The following NOS1AP variants were observed in gnomAD, a reference collection of about 807,000 sequenced individuals.
The protein encoded by NOS1AP is carboxyl-terminal PDZ ligand of neuronal nitric oxide synthase protein.
In NOS1AP, 21 loss-of-function variants were observed where a neutral mutation model predicts 56.2. The observed-to-expected ratio is 0.37, with a 90% CI of 0.26 to 0.54. NOS1AP has a LOEUF of 0.54. Among genes scored for constraint, NOS1AP ranks in the 20% least tolerant of loss-of-function variants. The pLI, the probability that NOS1AP is intolerant of heterozygous loss-of-function variation, is 0.84. For missense variants in NOS1AP, 522 were observed against 657.8 expected (o/e 0.79, Z 2.26); for synonymous variants, 270 against 274.6 (o/e 0.98, Z 0.17).
intron 4 of NOS1AP, among the ~76,000 whole-genome samples, chr1:162,317,574 C>T (rs1000259364): frequency 1.3e-5 from 2 of 152,110 alleles, no homozygotes; most frequent in Non-Finnish European, 2.9e-5. Context: ...AGAGAGACTG[C>T]AAGACTCATA....
At position 162,363,329 on chromosome 1, in the gene NOS1AP, A is replaced by C. The variant is rs977880896; in HGVS notation, c.940-2075A>C. The C allele has an allele frequency of 2.0e-4, 31 of 152,612 alleles. 1 individual carries two copies. Among genetic ancestry groups the C allele is most frequent in the African/African-American group, 6.3e-4 (26 of 41,430 alleles). 9.5% of individuals were successfully genotyped at this position (152,612 alleles called of 1,614,324 possible). ...GATATTATAAGGGATACCAATGAAC[A>C]CCAGATGGAAGAGATGCATAGGGCA... On this transcript the variant is annotated intron_variant, in intron 8 of 9. Transcript: ENST00000361897.
intron 1 of NOS1AP, among the ~76,000 whole-genome samples, chr1:162,096,549 C>T (rs1327113950): frequency 6.6e-6 from 1 of 152,006 alleles, no homozygotes; most frequent in African/African-American, 2.4e-5. Flanking sequence ...TTTAATTCTC[C>T]TCCTTCTCTT....
At chr1:162,214,852 T>C (rs1194530522) in intron 2 of NOS1AP, among the ~76,000 whole-genome samples, 7 of 152,154 alleles carry the variant, frequency 4.6e-5, no homozygotes, top group African/African-American at 1.7e-4. Context: ...TGTTTGTTAG[T>C]CATATTTCTC....
At chr1:162,204,782 T>C (rs973447953) in intron 2 of NOS1AP, among the ~76,000 whole-genome samples, 11 of 152,236 alleles carry the variant, frequency 7.2e-5, no homozygotes, top group Non-Finnish European at 1.6e-4. Flanking sequence ...TAGAAATCAT[T>C]ATGAATCTGA....
intron 2 of NOS1AP, among the ~76,000 whole-genome samples, chr1:162,230,745 T>C (rs1653095865): frequency 6.6e-6 from 1 of 152,218 alleles, no homozygotes; most frequent in Admixed American, 6.5e-5. Context: ...AATTATGCAG[T>C]ATTTGTTTTT....
At chr1:162,345,294 T>A (rs1323761659) in intron 6 of NOS1AP, among the ~76,000 whole-genome samples, 1 of 145,418 alleles carries the variant, frequency 6.9e-6, no homozygotes, top group African/African-American at 2.5e-5. Context: ...CTCCCAAAGC[T>A]ATCCCTCCCC....
intron 1 of NOS1AP, among the ~76,000 whole-genome samples, chr1:162,094,530 A>G (rs959972976): frequency 1.3e-5 from 2 of 152,286 alleles, no homozygotes; most frequent in East Asian, 3.9e-4. Context: ...AGTCATGTTG[A>G]TGGATGGATG....
chr1:162,343,339 G>C (rs1332267096), intron 5 of NOS1AP, among the ~76,000 whole-genome samples: 1 of 152,212 alleles, frequency 6.6e-6, no homozygotes, highest in Non-Finnish European at 1.5e-5. Flanking sequence ...TGGTGTTCCA[G>C]AGGAGCTGGG....
intron 4 of NOS1AP, among the ~76,000 whole-genome samples, chr1:162,331,894 C>G (rs1656782967): frequency 6.6e-6 from 1 of 152,180 alleles, no homozygotes; most frequent in African/African-American, 2.4e-5. Context: ...TATAATTTTC[C>G]CCCTTTCTCC....
chr1:162,301,200 TG>T (rs1223197601), intron 4 of NOS1AP, among the ~76,000 whole-genome samples: 1 of 152,154 alleles, frequency 6.6e-6, no homozygotes, highest in East Asian at 1.9e-4. Flanking sequence ...AAAATTTGTA[TG>T]TTGAAATCCT....
At chr1:162,182,379 G>C (rs891265386) in intron 2 of NOS1AP, among the ~76,000 whole-genome samples, 2 of 152,172 alleles carry the variant, frequency 1.3e-5, no homozygotes, top group African/African-American at 4.8e-5. Flanking sequence ...CAAATATTTT[G>C]GTTCCAAGTG....
intron 6 of NOS1AP, among the ~76,000 whole-genome samples, chr1:162,346,221 A>C (rs1657290991): frequency 6.6e-6 from 1 of 152,256 alleles, no homozygotes; most frequent in Admixed American, 6.5e-5. Context: ...AAGGTGTGAA[A>C]TGATTTCTAT....
In NOS1AP at chr1:162,367,539, G is replaced by T; in HGVS notation, c.*72G>T. 6.8e-7 allele frequency: 1 copy of T among 1,464,628 alleles called. No individual in the cohort carries two copies. The highest frequency in any genetic ancestry group is 9.1e-7 in the Non-Finnish European group (1 of 1,099,072). 90.7% of individuals were successfully genotyped at this position (1,464,628 alleles called of 1,614,324 possible). ...GTGTCTGGCTGCTGCCCGGGTAGGGGATGCCCAGTGAATGTGCACTGCCGA... is the reference window on the plus strand; with the variant it reads ...GTGTCTGGCTGCTGCCCGGGTAGGGTATGCCCAGTGAATGTGCACTGCCGA... On this transcript the variant is annotated 3_prime_UTR_variant, in exon 10 of 10. Transcript: ENST00000361897. This position sits in a 1 kb window ranked among gnomAD's most constrained non-coding sequence, Gnocchi z 6.5.
At chr1:162,318,393 G>A (rs1437475654) in intron 4 of NOS1AP, among the ~76,000 whole-genome samples, 3 of 152,096 alleles carry the variant, frequency 2.0e-5, no homozygotes, top group African/African-American at 7.2e-5. Flanking sequence ...GGCCACCAGG[G>A]ATGTCTTAGT....
intron 4 of NOS1AP, among the ~76,000 whole-genome samples, chr1:162,326,788 T>A (rs1656603510): frequency 6.6e-6 from 1 of 152,184 alleles, no homozygotes; most frequent in Admixed American, 6.5e-5. Context: ...CTCAACCTGT[T>A]TGTTCTATTC....
intron 4 of NOS1AP, among the ~76,000 whole-genome samples, chr1:162,312,616 T>G (rs1244276116): frequency 6.7e-6 from 1 of 148,914 alleles, no homozygotes; most frequent in Non-Finnish European, 1.5e-5. Context: ...TTTTGGCTTT[T>G]GTTGCCATTG....
intron 5 of NOS1AP, chr1:162,342,534 G>A (rs1415868122): frequency 2.1e-6 from 1 of 479,952 alleles, no homozygotes; most frequent in East Asian, 6.3e-5. Flanking sequence ...AAGGTCCCTA[G>A]GAGTTCACAA....
At chr1:162,169,060 G>A (rs1406116507) in intron 2 of NOS1AP, among the ~76,000 whole-genome samples, 5 of 152,222 alleles carry the variant, frequency 3.3e-5, no homozygotes, top group South Asian at 2.1e-4. Flanking sequence ...CACCCTTGGC[G>A]GGGATTTCTG....
chr1:162,227,513 G>A (rs2101664772), intron 2 of NOS1AP, among the ~76,000 whole-genome samples: 1 of 152,272 alleles, frequency 6.6e-6, no homozygotes, highest in African/African-American at 2.4e-5. Flanking sequence ...ACTGGGGTTG[G>A]GACCATGCTC....
Sources: allele counts gnomAD v4.1 joint callset (sites outside exome capture counted in the v4.1 genomes callset), GRCh38; gene constraint gnomAD v4.1.1; non-coding constraint Gnocchi (gnomAD v3.1); transcripts MANE v1.5; gene names NCBI Gene and HGNC (gene_info 2026-07-23, HGNC 2026-07-21).